Variants in TRMT11 observed in about 807,000 individuals in gnomAD.
TRMT11 encodes tRNA methyltransferase 11.
In TRMT11, 53 loss-of-function variants were observed where a neutral mutation model predicts 62.8. That is an observed-to-expected ratio of 0.84 (90% CI 0.68 to 1.06). The LOEUF is 1.06. Among genes scored for constraint, TRMT11 ranks in the 50% least tolerant of loss-of-function variants. TRMT11 has a pLI of 0.00. For synonymous variants in TRMT11, 188 were observed against 190.3 expected (o/e 0.99, Z 0.10); for missense variants, 556 against 553.4 (o/e 1.00, Z -0.05).
the TRMT11 span, among the ~76,000 whole-genome samples, chr6:126,271,288 C>T: frequency 1.3e-4 from 18 of 135,846 alleles, no homozygotes; most frequent in East Asian, 2.3e-3. Flanking sequence ...CGCTTGAACC[C>T]GGGAGGTGGA....
chr6:126,178,209 C>G (rs1158613152), intron 1 of TRMT11, among the ~76,000 whole-genome samples: 1 of 152,198 alleles, frequency 6.6e-6, no homozygotes, highest in East Asian at 1.9e-4. Flanking sequence ...ACACTCAGAT[C>G]ACCCTTCAAG....
the TRMT11 span, among the ~76,000 whole-genome samples, chr6:126,251,304 C>T: frequency 6.6e-6 from 1 of 152,032 alleles, no homozygotes; most frequent in South Asian, 2.1e-4. Context: ...GCTGGGATTA[C>T]AGGTGTGAGC....
intron 17 of TRMT11, among the ~76,000 whole-genome samples, chr6:126,060,699 A>G (rs1776510849): frequency 6.6e-6 from 1 of 152,238 alleles, no homozygotes; most frequent in African/African-American, 2.4e-5. Context: ...ACAATAGCTG[A>G]GTTTCAAAGT....
chr6:126,151,857 T>C lies in TRMT11; in HGVS notation c.*1824-22968T>C, dbSNP rs1562334821. Among the ~76,000 whole-genome samples the C allele has an allele frequency of 2.8e-4, 39 of 140,960 alleles. 2 individuals are homozygous for C. The highest frequency in any genetic ancestry group is 1.6e-3 in the South Asian group (7 of 4,390). The allele number at this position is 140,960 out of a possible 152,430, so 92.5% of individuals were successfully genotyped here. On this transcript the variant is annotated intron_variant and NMD_transcript_variant, in intron 21 of 22. Coordinates refer to the TRMT11 transcript ENST00000648977. Reference sequence around the variant, plus strand: ...TTCTTTCTTTCTTTCTTTCTTTCTTTCTTTCTTTCCTTCTTTCTCCTTCCT... The same window carrying C: ...TTCTTTCTTTCTTTCTTTCTTTCTTCCTTTCTTTCCTTCTTTCTCCTTCCT...
At chr6:126,200,174 A>C (rs1455712027) in intron 3 of TRMT11, among the ~76,000 whole-genome samples, 2 of 152,206 alleles carry the variant, frequency 1.3e-5, no homozygotes, top group Non-Finnish European at 2.9e-5. Flanking sequence ...AAAGTTAGAC[A>C]AGAAAGAGTT....
chr6:126,176,137 G>C (rs565576038), upstream of TRMT11, among the ~76,000 whole-genome samples: 1 of 152,102 alleles, frequency 6.6e-6, no homozygotes, highest in Non-Finnish European at 1.5e-5. Flanking sequence ...AAAAGAAATT[G>C]GTACAAGACT....
intron 17 of TRMT11, among the ~76,000 whole-genome samples, chr6:126,105,882 G>C (rs1777458903): frequency 6.6e-6 from 1 of 152,108 alleles, no homozygotes; most frequent in South Asian, 2.1e-4. Context: ...TGAGGCCCTG[G>C]CTCCCAGTAC....
chr6:126,004,463 A>G (rs568771358), intron 7 of TRMT11, among the ~76,000 whole-genome samples: 6 of 152,076 alleles, frequency 3.9e-5, no homozygotes, highest in Non-Finnish European at 5.9e-5. Flanking sequence ...ACATCAGTCA[A>G]TTTTTGGTGC....
In TRMT11 at chr6:126,011,349, T is replaced by C. The variant is rs11539234; in HGVS notation, c.857T>C (p.Val286Ala). The C allele has an allele frequency of 3.7e-6, 6 of 1,613,410 alleles. No homozygotes were observed. Among genetic ancestry groups the C allele is most frequent in the Non-Finnish European group, 5.1e-6 (6 of 1,179,502 alleles). ...QYGLEKYYLD[V>A]LVSDASKPSW... ...GGTTTAGAGAAGTATTACCTTGATG[T>C]CCTGGTTTCAGATGCATCTAAACCT... The change falls in exon 9 of 13, where the codon GTC (valine) becomes GCC (alanine). Residue 286 changes from valine (V) to alanine (A), a missense_variant. Physicochemically the swap from Val to Ala is moderately conservative, Grantham distance 64. Coordinates refer to ENST00000334379, the MANE Select transcript of TRMT11 (RefSeq NM_001031712.3).
the TRMT11 span, among the ~76,000 whole-genome samples, chr6:126,217,065 C>T: frequency 1.1e-4 from 16 of 152,330 alleles, no homozygotes; most frequent in Non-Finnish European, 1.5e-4. Flanking sequence ...TGTTTTTCAA[C>T]TCCCGAATTG....
At chr6:126,234,076 C>T in the TRMT11 span, among the ~76,000 whole-genome samples, 2 of 151,970 alleles carry the variant, frequency 1.3e-5, no homozygotes, top group African/African-American at 2.4e-5. Context: ...TTCAGGGAAC[C>T]TCTTCTTCCA....
intron 9 of TRMT11, among the ~76,000 whole-genome samples, chr6:126,012,156 C>T (rs1794310454): frequency 6.6e-6 from 1 of 151,972 alleles, no homozygotes; most frequent in Admixed American, 6.6e-5. Context: ...TTATCAAGGC[C>T]TTATGGTTTC....
chr6:126,194,631 G>T (rs773198806), intron 1 of TRMT11, among the ~76,000 whole-genome samples: 1 of 152,094 alleles, frequency 6.6e-6, no homozygotes, highest in African/African-American at 2.4e-5. Flanking sequence ...TCCAAATATC[G>T]GTGGGGGCAT....
At chr6:126,207,153 T>C (rs530716525), downstream of TRMT11, among the ~76,000 whole-genome samples, 4 of 152,300 alleles carry the variant, frequency 2.6e-5, no homozygotes, top group East Asian at 1.9e-4. Context: ...CCAACATTCA[T>C]AGGGCTCAAG....
At chr6:126,001,602 GTTTTA>G (rs1562247288) in intron 7 of TRMT11, among the ~76,000 whole-genome samples, 1 of 151,938 alleles carries the variant, frequency 6.6e-6, no homozygotes, top group Admixed American at 6.6e-5. Context: ...ATTACTGGTG[GTTTTA>G]TTTTATTTTA....
At chr6:126,036,139 A>G (rs1307798713) in intron 12 of TRMT11, among the ~76,000 whole-genome samples, 1 of 152,066 alleles carries the variant, frequency 6.6e-6, no homozygotes, top group African/African-American at 2.4e-5. Flanking sequence ...TAGAGGGGCC[A>G]TGAGGAGAAT....
intron 16 of TRMT11, among the ~76,000 whole-genome samples, chr6:126,051,095 G>C (rs1776205154): frequency 6.6e-6 from 1 of 152,166 alleles, no homozygotes; most frequent in Non-Finnish European, 1.5e-5. Context: ...ATTGCCTTTT[G>C]AAGTTTTTAT....
At chr6:126,063,971 A>G (rs1279261173) in intron 17 of TRMT11, among the ~76,000 whole-genome samples, 1 of 152,180 alleles carries the variant, frequency 6.6e-6, no homozygotes, top group Non-Finnish European at 1.5e-5. Flanking sequence ...AGGAGGAGCA[A>G]GGCCATGTCA....
rs141160372 is a variant in TRMT11 at position 126,162,897 on chromosome 6, C to A, written c.*1824-11928C>A. Reference sequence around the variant, plus strand: ...TGTATAGGAATGCTTGTGGTTTTTGCACATTGATTTTGTATCCTGAGACTT... The same window carrying A: ...TGTATAGGAATGCTTGTGGTTTTTGAACATTGATTTTGTATCCTGAGACTT... On this transcript the variant is annotated intron_variant and NMD_transcript_variant, in intron 21 of 22. Transcript: ENST00000648977. Among the ~76,000 whole-genome samples the A allele has an allele frequency of 4.1e-3, 630 of 152,182 alleles. 5 individuals are homozygous for A. The highest frequency in any genetic ancestry group is 0.015 in the African/African-American group (604 of 41,524).
Sources: allele counts gnomAD v4.1 joint callset (sites outside exome capture counted in the v4.1 genomes callset), GRCh38; gene constraint gnomAD v4.1.1; transcripts MANE v1.5; gene names NCBI Gene and HGNC (gene_info 2026-07-23, HGNC 2026-07-21).